Variants in CGN observed in about 807,000 individuals in gnomAD.
The protein encoded by CGN is cingulin.
Under a neutral mutation model 157.1 loss-of-function variants are expected in CGN, and 121 were observed. That is an observed-to-expected ratio of 0.77 (90% CI 0.66 to 0.90). The LOEUF is 0.90. Among genes scored for constraint, CGN ranks in the 40% least tolerant of loss-of-function variants. The pLI, the probability that CGN is intolerant of heterozygous loss-of-function variation, is 0.00. For missense variants in CGN, 1,424 were observed against 1,520.9 expected, an observed-to-expected ratio of 0.94 and a Z score of 1.06; for synonymous variants, 535 against 607.5, an observed-to-expected ratio of 0.88 and a Z score of 1.76.
At chr1:151,522,524 CTGAGGCAGGGAGACT>C (rs1258421140) in intron 5 of CGN, among the ~76,000 whole-genome samples, 8 of 151,834 alleles carry the variant, frequency 5.3e-5, no homozygotes, top group African/African-American at 1.9e-4. Context: ...GCTTGGGAGG[CTGAGGCAGGGAGACT>C]TGCTTGAACC....
At chr1:151,533,678 C>T (rs762226009) in intron 14 of CGN, among the ~76,000 whole-genome samples, 3 of 151,878 alleles carry the variant, frequency 2.0e-5, no homozygotes, top group Non-Finnish European at 4.4e-5. Flanking sequence ...CCTGTAGTCC[C>T]AGCTACTCGG....
chr1:151,521,359 A>T (rs1019108632), intron 5 of CGN, among the ~76,000 whole-genome samples: 1 of 152,202 alleles, frequency 6.6e-6, no homozygotes, highest in Non-Finnish European at 1.5e-5. Context: ...TGATTAAGTG[A>T]TTGGCTGTGG....
At chr1:151,529,588 G>T in intron 11 of CGN, 29 bp downstream of exon 11, 1 of 1,591,154 alleles carries the variant, frequency 6.3e-7, no homozygotes, top group East Asian at 2.3e-5. Context: ...GGGCTTAGGA[G>T]GTGGAGGCTG....
chr1:151,518,967 A>G lies in CGN; in HGVS notation c.448A>G (p.Ser150Gly), dbSNP rs754432896. 1.1e-4 allele frequency: 185 copies of G among 1,614,080 alleles called. No homozygotes were observed. Among genetic ancestry groups the G allele is most frequent in the Non-Finnish European group, 1.5e-4 (180 of 1,180,030 alleles). The change falls in exon 2 of 21, where the codon AGT (serine) becomes GGT (glycine). Residue 150 changes from serine (S) to glycine (G), a missense_variant. Ser to Gly is a moderately conservative substitution (Grantham distance 56). Coordinates refer to ENST00000271636, the MANE Select transcript of CGN (RefSeq NM_020770.3). ...SLAGPGPVDP[S>G]NRSNSMLELA... The stretch of plus-strand genomic sequence containing the variant: ...GGCAGGCCCTGGCCCAGTGGATCCT[A>G]GTAACAGAAGCAACAGCATGCTGGA...
chr1:151,534,877 G>C (rs1282960789), intron 15 of CGN, 165 bp from the exon 16 acceptor site: 1 of 611,560 alleles, frequency 1.6e-6, no homozygotes, highest in African/African-American at 1.8e-5. Context: ...GTCAGTAGAG[G>C]GCGCTGGCTC....
chr1:151,524,985 G>T lies in CGN; in HGVS notation c.1614+99G>T. On this transcript the variant is annotated intron_variant, in intron 8 of 20. Coordinates refer to ENST00000271636, the MANE Select transcript of CGN (RefSeq NM_020770.3). The surrounding 1 kb of genome is among the most constrained non-coding windows in gnomAD (Gnocchi z 4.4). ...TTGGACTTTTCATGGTTGCAACTGGGAACTCCCCCTCTCCTCCTAAAGGAC... is the reference window on the plus strand; with the variant it reads ...TTGGACTTTTCATGGTTGCAACTGGTAACTCCCCCTCTCCTCCTAAAGGAC... 1 of 929,584 alleles carries T rather than the reference G, an allele frequency of 1.1e-6. No individual in the cohort carries two copies. 57.6% of individuals were successfully genotyped at this position (929,584 alleles called of 1,614,324 possible). A position where few individuals can be genotyped will look rare whatever the true frequency, so the allele number is the denominator to read the frequency against.
chr1:151,520,576 AC>A lies in CGN; in HGVS notation c.1045-14del. 4 of 1,613,210 alleles carry A rather than the reference AC, an allele frequency of 2.5e-6. No homozygotes were observed. The highest frequency in any genetic ancestry group is 1.7e-6 in the Non-Finnish European group (2 of 1,179,636). ...ACTTGGACTCACTCCCTTCCCCCAC[AC>A]CCCCCATATCTCTGGCAGATGGTTT... On this transcript the variant is annotated intron_variant, in intron 4 of 20. Coordinates refer to ENST00000271636, the MANE Select transcript of CGN (RefSeq NM_020770.3).
intron 15 of CGN, 185 bp downstream of exon 15, chr1:151,534,321 G>C (rs560187184): frequency 4.8e-6 from 3 of 625,816 alleles, no homozygotes; most frequent in African/African-American, 1.9e-5. Flanking sequence ...TGGATTTCTA[G>C]TTTCTTTTGT....
Position 151,537,287 on chromosome 1 carries a change from G to C in CGN, c.3553G>C (p.Asp1185His), listed in dbSNP as rs1664990529. The change falls in exon 21 of 21, where the codon GAT (aspartate) becomes CAT (histidine). Residue 1185 changes from aspartate (D) to histidine (H), a missense_variant. Coordinates refer to ENST00000271636, the MANE Select transcript of CGN (RefSeq NM_020770.3). ...SSDEEFDSVYDPSSIASLLTE... is the reference protein window; with the variant it reads ...SSDEEFDSVYHPSSIASLLTE... ...AGATGAGGAATTCGACAGTGTCTAC[G>C]ATCCCTCGTCCATTGCATCACTGCT... 4 of 1,613,932 alleles carry C rather than the reference G, an allele frequency of 2.5e-6. No homozygotes were observed. The East Asian group carries it at 8.9e-5, about 36-fold the overall frequency.
rs1664622967 is a variant in CGN, at chr1:151,524,571, T to C, written c.1402-103T>C. ...GCTCCAGTACTGGTACTAGAGCACCTGGTACTGTGCCTAATACGATAAATA... is the reference window on the plus strand; with the variant it reads ...GCTCCAGTACTGGTACTAGAGCACCCGGTACTGTGCCTAATACGATAAATA... On this transcript the variant is annotated intron_variant, in intron 7 of 20. Transcript: ENST00000271636. The surrounding 1 kb of genome is among the most constrained non-coding windows in gnomAD (Gnocchi z 4.4). 1.7e-6 allele frequency: 2 copies of C among 1,189,728 alleles called. No homozygotes were observed. The highest frequency in any genetic ancestry group is 2.4e-6 in the Non-Finnish European group (2 of 836,980). 73.7% of individuals were successfully genotyped at this position (1,189,728 alleles called of 1,614,324 possible).
chr1:151,510,858 G>C (rs977173639), upstream of CGN: 2 of 152,210 alleles, frequency 1.3e-5, no homozygotes, highest in African/African-American at 2.4e-5. Flanking sequence ...GAGGCCACAA[G>C]ATAAAAGAGA....
intron 12 of CGN, 142 bp downstream of exon 12, chr1:151,530,257 A>G (rs1373266543): frequency 9.7e-7 from 1 of 1,033,456 alleles, no homozygotes; most frequent in African/African-American, 1.6e-5. Flanking sequence ...CCTTGGGTTT[A>G]TTTCCTGGTG....
chr1:151,535,877 A>G lies in CGN; in HGVS notation c.3176A>G (p.Glu1059Gly), dbSNP rs914971773. ...QLESQNQLLQERLQAEEREKT... is the reference protein window; with the variant it reads ...QLESQNQLLQGRLQAEEREKT... ...GAGTCCCAGAATCAGTTGTTGCAGG[A>G]GCGGCTACAGGCTGAAGAGAGGTGA... Residue 1059 changes from glutamate (E) to glycine (G), a missense_variant, in exon 18 of 21, where the codon GAG (glutamate) becomes GGG (glycine). By Grantham distance (98) the Glu-to-Gly change is moderately conservative. This residue lies in a region of CGN where 199 missense variants were observed against 272.2 expected (regional missense o/e 0.73). Transcript: ENST00000271636. 3.7e-6 allele frequency: 6 copies of G among 1,613,550 alleles called. No homozygotes were observed. The highest frequency in any genetic ancestry group is 1.7e-5 in the Admixed American group (1 of 60,010).
chr1:151,524,776 G>C lies in CGN; in HGVS notation c.1504G>C (p.Gly502Arg). ...GGAGCGGGAGTTGACAGCCCTGAAG[G>C]GGGCCCTGAAAGAGGAGGTAGCCTC... ...LRERELTALK[G>R]ALKEEVASRD... is the part of the protein sequence containing the mutation. The change falls in exon 8 of 21, where the codon GGG (glycine) becomes CGG (arginine). Residue 502 changes from glycine (G) to arginine (R), a missense_variant. This residue lies in a region of CGN where 1,187 missense variants were observed against 1,217.6 expected (regional missense o/e 0.97). Coordinates refer to ENST00000271636, the MANE Select transcript of CGN (RefSeq NM_020770.3). The surrounding 1 kb of genome is among the most constrained non-coding windows in gnomAD (Gnocchi z 4.4). 6.2e-7 allele frequency: 1 copy of C among 1,612,926 alleles called. No individual in the cohort carries two copies. Among genetic ancestry groups the C allele is most frequent in the Non-Finnish European group, 8.5e-7 (1 of 1,179,860 alleles).
At chr1:151,537,055 A>G in intron 20 of CGN, 150 bp from the exon 21 acceptor site, 1 of 1,173,682 alleles carries the variant, frequency 8.5e-7, no homozygotes, top group Non-Finnish European at 1.2e-6. Context: ...CTCAGCCACC[A>G]TCCTGTACCT....
At chr1:151,536,706 G>A (rs769990181) in intron 19 of CGN, 24 bp from the exon 20 acceptor site, 19 of 1,613,078 alleles carry the variant, frequency 1.2e-5, no homozygotes, top group East Asian at 2.2e-5. Context: ...CTATTCAGAT[G>A]TGTGGACTTG....
chr1:151,537,189 C>G lies in CGN; in HGVS notation c.3471-16C>G, dbSNP rs1557995066. On this transcript the variant is annotated splice_polypyrimidine_tract_variant and intron_variant, in intron 20 of 20. Coordinates refer to ENST00000271636, the MANE Select transcript of CGN (RefSeq NM_020770.3). ...TATTTTCCCCTCCCCAACCATTATTCTTCTCTCTGAGTCAGGCGCAAAGCT... is the reference window on the plus strand; with the variant it reads ...TATTTTCCCCTCCCCAACCATTATTGTTCTCTCTGAGTCAGGCGCAAAGCT... 1 of 1,607,274 alleles carries G rather than the reference C, an allele frequency of 6.2e-7. No homozygotes were observed. Among genetic ancestry groups the G allele is most frequent in the African/African-American group, 1.3e-5 (1 of 74,702 alleles).
At chr1:151,525,007 G>T in intron 8 of CGN, 121 bp downstream of exon 8, 1 of 784,564 alleles carries the variant, frequency 1.3e-6, no homozygotes. Context: ...TCCTCCTAAA[G>T]GACACAGTGA....
intron 19 of CGN, 69 bp from the exon 20 acceptor site, chr1:151,536,661 T>C: frequency 2.0e-6 from 3 of 1,516,782 alleles, no homozygotes; most frequent in Non-Finnish European, 2.7e-6. Context: ...GTCAAGATTG[T>C]TATGGGGGAG....
Sources: allele counts gnomAD v4.1 joint callset (sites outside exome capture counted in the v4.1 genomes callset), GRCh38; gene constraint gnomAD v4.1.1; regional missense constraint gnomAD v4.1.1; non-coding constraint Gnocchi (gnomAD v3.1); transcripts MANE v1.5; gene names NCBI Gene and HGNC (gene_info 2026-07-23, HGNC 2026-07-21).